The following OTOA variants were observed in gnomAD, a reference collection of about 807,000 sequenced individuals.
OTOA encodes cancer/testis antigen 108.
In OTOA, 70 loss-of-function variants were observed where a neutral mutation model predicts 110.8. That is an observed-to-expected ratio of 0.63 (90% CI 0.52 to 0.77). OTOA has a LOEUF of 0.77. OTOA is among the 30% of genes least tolerant of loss of function. The pLI is 0.00. For synonymous variants in OTOA, 373 were observed against 431.5 expected (o/e 0.86, Z 1.68); for missense variants, 917 against 1,075.8 (o/e 0.85, Z 2.06).
chr16:21,719,621 A>G, intron 17 of OTOA, 117 bp downstream of exon 17: 1 of 1,007,400 alleles, frequency 9.9e-7, no homozygotes, highest in Non-Finnish European at 1.6e-6. Flanking sequence ...GCAAGTGATG[A>G]CTTAGGGCCA....
chr16:21,718,845 A>G (rs1898635512), intron 15 of OTOA, among the ~76,000 whole-genome samples: 1 of 152,158 alleles, frequency 6.6e-6, no homozygotes, highest in South Asian at 2.1e-4. Context: ...AAGCACAGGA[A>G]GTAAAACTCC....
At chr16:21,688,158 G>C (rs1338618305) in intron 8 of OTOA, among the ~76,000 whole-genome samples, 1 of 152,092 alleles carries the variant, frequency 6.6e-6, no homozygotes, top group Admixed American at 6.6e-5. Context: ...GGGAAGCAGA[G>C]GTGGGTGGAT....
chr16:21,728,621 G>A lies in OTOA; in HGVS notation c.2207+190G>A, dbSNP rs192449755. Among the ~76,000 whole-genome samples the A allele has an allele frequency of 8.7e-5, 13 of 149,856 alleles. No homozygotes were observed. In the East Asian group the frequency reaches 1.4e-3, roughly 16 times the overall value. On this transcript the variant is annotated intron_variant, in intron 20 of 28. Coordinates refer to ENST00000646100, the MANE Select transcript of OTOA (RefSeq NM_144672.4). Reference sequence around the variant, plus strand: ...TTTTTTTTTTCTTAGACGGAGTCTCGCTCTGTGGCCAGGCTGGAGTACAGT... The same window carrying A: ...TTTTTTTTTTCTTAGACGGAGTCTCACTCTGTGGCCAGGCTGGAGTACAGT...
intron 6 of OTOA, among the ~76,000 whole-genome samples, 181 bp downstream of exon 6, chr16:21,682,006 T>C (rs570566627): frequency 6.6e-6 from 1 of 152,322 alleles, no homozygotes; most frequent in East Asian, 1.9e-4. Flanking sequence ...TCTTTCATTT[T>C]CCCACCTTTG....
rs727504599 is a variant in OTOA, at chr16:21,709,955, C to T, written c.1172C>T (p.Ser391Leu). The change falls in exon 13 of 29, where the codon TCG becomes TTG. Residue 391 changes from serine (S) to leucine (L), a missense_variant. Coordinates refer to ENST00000646100, the MANE Select transcript of OTOA (RefSeq NM_144672.4). Reference protein sequence around the residue: ...QTLNETLGSLSDAVVGLTYSQ... With the variant: ...QTLNETLGSLLDAVVGLTYSQ... ...CTCAATGAGACCCTGGGTTCTTTGT[C>T]GGATGCAGTTGTAGGTTTGACCTAC... 1.2e-4 allele frequency: 197 copies of T among 1,613,804 alleles called. No individual in the cohort carries two copies. The highest frequency in any genetic ancestry group is 1.5e-4 in the Non-Finnish European group (178 of 1,179,916).
At chr16:21,727,461 A>G (rs1167680826) in intron 19 of OTOA, among the ~76,000 whole-genome samples, 2 of 152,184 alleles carry the variant, frequency 1.3e-5, no homozygotes, top group South Asian at 2.1e-4. Flanking sequence ...AGTAGTACTT[A>G]CTTCTTACAG....
intron 9 of OTOA, among the ~76,000 whole-genome samples, chr16:21,691,947 A>G (rs915059369): frequency 1.3e-5 from 2 of 152,194 alleles, no homozygotes; most frequent in African/African-American, 4.8e-5. Context: ...TTTCAGTGGA[A>G]TATAAATAAT....
chr16:21,675,059 T>TTCTG (rs879613650), intron 1 of OTOA, among the ~76,000 whole-genome samples: 41 of 131,302 alleles, frequency 3.1e-4, no homozygotes, highest in African/African-American at 1.1e-3. Context: ...CATGTTTTCT[T>TTCTG]TCTGTCTTTC....
intron 21 of OTOA, among the ~76,000 whole-genome samples, chr16:21,732,359 T>C (rs1899143130): frequency 6.6e-6 from 1 of 152,138 alleles, no homozygotes; most frequent in South Asian, 2.1e-4. Context: ...TTCCATAAGG[T>C]ATTGGGGTAC....
intron 9 of OTOA, among the ~76,000 whole-genome samples, chr16:21,694,264 GACCCCATTTCTTAAAAA>G (rs1897888925): frequency 6.6e-6 from 1 of 151,998 alleles, no homozygotes; most frequent in Non-Finnish European, 1.5e-5. Context: ...AACATAGCAA[GACCCCATTTCTTAAAAA>G]ATTTTTTAAA....
intron 12 of OTOA, among the ~76,000 whole-genome samples, chr16:21,707,655 T>C (rs373638392): frequency 1.6e-3 from 160 of 100,424 alleles, no homozygotes; most frequent in Middle Eastern, 0.01. Context: ...CTTTCTTTCT[T>C]TCTCTTTCTT....
chr16:21,735,136 GAAAAA>G (rs1194921869), intron 21 of OTOA, among the ~76,000 whole-genome samples: 3 of 72,764 alleles, frequency 4.1e-5, no homozygotes, highest in Admixed American at 1.7e-4. Flanking sequence ...ACAAGACTCT[GAAAAA>G]AAAAAAAAAA....
chr16:21,705,512 A>G (rs1898145704), intron 12 of OTOA: 1 of 691,766 alleles, frequency 1.4e-6, no homozygotes, highest in Non-Finnish European at 2.3e-6. Flanking sequence ...TCAAAATTTA[A>G]TCAGAAAGCT....
chr16:21,683,130 G>A (rs146213838), intron 6 of OTOA, among the ~76,000 whole-genome samples: 22 of 152,206 alleles, frequency 1.4e-4, no homozygotes, highest in African/African-American at 5.1e-4. Flanking sequence ...TAGACACTGA[G>A]GACTCAGTAG....
At chr16:21,683,551 CA>C (rs1966934680) in intron 6 of OTOA, among the ~76,000 whole-genome samples, 1 of 151,626 alleles carries the variant, frequency 6.6e-6, no homozygotes, top group Non-Finnish European at 1.5e-5. Flanking sequence ...AACAAACAAA[CA>C]AAAAATTAGC....
At chr16:21,750,453 C>A in intron 24 of OTOA, among the ~76,000 whole-genome samples, 1 of 85,870 alleles carries the variant, frequency 1.2e-5, no homozygotes, top group Non-Finnish European at 2.5e-5. Context: ...ACTCCCATTA[C>A]TGGAAAGTTC....
chr16:21,688,008 G>A (rs562642311), intron 8 of OTOA, among the ~76,000 whole-genome samples: 111 of 152,174 alleles, frequency 7.3e-4, no homozygotes, highest in Non-Finnish European at 1.3e-3. Flanking sequence ...AGGGGCTGCC[G>A]TGAGAATGCA....
chr16:21,715,111 T>A lies in OTOA; in HGVS notation c.1447T>A (p.Ser483Thr). 1 of 1,614,186 alleles carries A rather than the reference T, an allele frequency of 6.2e-7. No individual in the cohort carries two copies. ...GAGAAGTGCCGTCTCCCAGTATGTATCCGACTTGTCACCTGCCCAGCAGCA... is the reference window on the plus strand; with the variant it reads ...GAGAAGTGCCGTCTCCCAGTATGTAACCGACTTGTCACCTGCCCAGCAGCA... ...VLRSAVSQYV[S>T]DLSPAQQQGI... Residue 483 changes from serine (S) to threonine (T), a missense_variant, in exon 14 of 29, where the codon TCC becomes ACC. This residue lies in a region of OTOA where 840 missense variants were observed against 910.2 expected (regional missense o/e 0.92). Transcript: ENST00000646100.
At chr16:21,712,177 A>G (rs1179941644) in intron 13 of OTOA, among the ~76,000 whole-genome samples, 1 of 152,064 alleles carries the variant, frequency 6.6e-6, no homozygotes, top group African/African-American at 2.4e-5. Flanking sequence ...AAATAGAAAA[A>G]TTAGCTGGCC....
Sources: allele counts gnomAD v4.1 joint callset (sites outside exome capture counted in the v4.1 genomes callset), GRCh38; gene constraint gnomAD v4.1.1; regional missense constraint gnomAD v4.1.1; transcripts MANE v1.5; gene names NCBI Gene and HGNC (gene_info 2026-07-23, HGNC 2026-07-21).